Variants in FAAH2 observed in about 807,000 individuals in gnomAD.
FAAH2 encodes fatty-acid amide hydrolase 2.
A neutral mutation model predicts 36.9 loss-of-function variants in FAAH2; 60 were observed. That is an observed-to-expected ratio of 1.63 (90% CI 1.32 to 2.02). The LOEUF (loss-of-function observed/expected upper bound fraction) is 2.02, where lower values mean the gene tolerates loss of function less well. Among genes scored for constraint, FAAH2 ranks in the 30% most tolerant of loss-of-function variants. The pLI, the probability that FAAH2 is intolerant of heterozygous loss-of-function variation, is 0.00. For missense variants in FAAH2, 689 were observed against 397.5 expected, an observed-to-expected ratio of 1.73 and a Z score of -6.23; for synonymous variants, 214 against 143.8, an observed-to-expected ratio of 1.49 and a Z score of -3.49.
Position 57,380,914 on chromosome X carries a change from T to G in FAAH2, c.881T>G (p.Leu294Ter). The change falls in exon 7 of 11, where the codon TTA (leucine) becomes TGA (stop). Residue 294 changes from leucine (L) to a stop codon, truncating the protein, a stop_gained and splice_region_variant. Transcript: ENST00000374900. LOFTEE classifies it high-confidence loss of function. Reference protein sequence around the residue: ...KVMAGPGIKRLKLDTKVHLKD... With the variant: ...KVMAGPGIKR The stretch of plus-strand genomic sequence containing the variant: ...AGTTTCTTTTTAATCCTACACAGGT[T>G]AAAACTAGACACAAAGGTACATTTA... 1 of 1,161,044 alleles carries G rather than the reference T, an allele frequency of 8.6e-7. No homozygotes were observed. The highest frequency in any genetic ancestry group is 1.8e-5 in the African/African-American group (1 of 56,209).
rs372063121 is a variant in FAAH2 at position 57,462,507 on chromosome X, C to T, written c.1423+13789C>T. On this transcript the variant is annotated intron_variant, in intron 10 of 10. Coordinates refer to ENST00000374900, the MANE Select transcript of FAAH2 (RefSeq NM_174912.4). Reference sequence around the variant, plus strand: ...TGGGATGCAAGGCTTGTTCAACATACGCAAATCAATAAACATAACCCATCA... The same window carrying T: ...TGGGATGCAAGGCTTGTTCAACATATGCAAATCAATAAACATAACCCATCA... 1.3e-4 allele frequency among the ~76,000 whole-genome samples: 14 copies of T among 111,851 alleles called. No individual in the cohort carries two copies. In the South Asian group the frequency reaches 2.6e-3, roughly 21 times the overall value.
chrX:57,389,370 T>A (rs1376077753), intron 7 of FAAH2, among the ~76,000 whole-genome samples: 2 of 106,254 alleles, frequency 1.9e-5, no homozygotes, highest in Admixed American at 2.1e-4. Context: ...TATAGCTTTA[T>A]TTCATCCCCT....
chrX:57,286,067 C>A (rs757291302), upstream of FAAH2, among the ~76,000 whole-genome samples: 2 of 111,013 alleles, frequency 1.8e-5, no homozygotes, highest in African/African-American at 6.6e-5. Flanking sequence ...CCTGTAGGGG[C>A]AGCAGTCTGG....
the FAAH2 span, among the ~76,000 whole-genome samples, chrX:57,181,262 T>G: frequency 9.0e-6 from 1 of 111,408 alleles, no homozygotes; most frequent in Non-Finnish European, 1.9e-5. Context: ...GAGAAAGAAA[T>G]AAACAGCATC....
At chrX:57,255,262 T>G in the FAAH2 span, among the ~76,000 whole-genome samples, 3 of 111,658 alleles carry the variant, frequency 2.7e-5, no homozygotes, top group Admixed American at 9.5e-5. Flanking sequence ...AATAACAGGT[T>G]CTGGCATTGA....
intron 3 of FAAH2, among the ~76,000 whole-genome samples, chrX:57,325,707 G>A (rs1340281594): frequency 1.6e-4 from 12 of 75,797 alleles, no homozygotes; most frequent in African/African-American, 2.5e-4. Flanking sequence ...TTTTTATTGC[G>A]TCTAATTGAT....
chrX:57,204,560 G>A, the FAAH2 span, among the ~76,000 whole-genome samples: 2 of 111,881 alleles, frequency 1.8e-5, no homozygotes, highest in Non-Finnish European at 3.8e-5. Flanking sequence ...CAAATCAGCT[G>A]TTGATTTTGG....
Position 57,286,920 on chromosome X carries a change from G to T in FAAH2, c.95G>T (p.Gly32Val). 3 of 1,206,868 alleles carry T rather than the reference G, an allele frequency of 2.5e-6. No individual in the cohort carries two copies. Among genetic ancestry groups the T allele is most frequent in the Non-Finnish European group, 3.4e-6 (3 of 893,426 alleles). The change falls in exon 1 of 11, where the codon GGG becomes GTG. Residue 32 changes from glycine to valine, a missense_variant. Gly to Val is a moderately radical substitution (Grantham distance 109, BLOSUM62 -3). Coordinates refer to ENST00000374900, the MANE Select transcript of FAAH2 (RefSeq NM_174912.4). Reference sequence around the variant, plus strand: ...GTAGGCCGAGCAGCTTTAGTCTTAGGGGGTCCAAAGTTTGCCTCAAAGACC... The same window carrying T: ...GTAGGCCGAGCAGCTTTAGTCTTAGTGGGTCCAAAGTTTGCCTCAAAGACC... ...GLVGRAALVLGGPKFASKTPR... is the reference protein window; with the variant it reads ...GLVGRAALVLVGPKFASKTPR...
chrX:57,429,597 A>G (rs1478060130), intron 7 of FAAH2, among the ~76,000 whole-genome samples: 1 of 111,913 alleles, frequency 8.9e-6, no homozygotes, highest in Non-Finnish European at 1.9e-5. Context: ...ATTAATGAAT[A>G]TAACTTGTAA....
intron 10 of FAAH2, among the ~76,000 whole-genome samples, chrX:57,455,526 C>A (rs1482641608): frequency 9.0e-6 from 1 of 110,751 alleles, no homozygotes. Flanking sequence ...AAGATAAAAC[C>A]CAACAATCTA....
chrX:57,193,388 A>T, the FAAH2 span, among the ~76,000 whole-genome samples: 1 of 111,395 alleles, frequency 9.0e-6, no homozygotes, highest in Non-Finnish European at 1.9e-5. Context: ...GGTGCCTGAA[A>T]CTTCATTAGC....
intron 10 of FAAH2, among the ~76,000 whole-genome samples, chrX:57,471,025 G>A (rs1341967794): frequency 9.0e-6 from 1 of 111,374 alleles, no homozygotes; most frequent in Non-Finnish European, 1.9e-5. Context: ...TGCAGAAAAG[G>A]GCTTCAACAA....
rs1211928230 is a variant in FAAH2, at chrX:57,297,476, C to A, written c.275+4896C>A. ...AAGCACTAAACATGGAAAGGAACAA[C>A]CGATACCAGCCACTGCAAAAACCTG... On this transcript the variant is annotated intron_variant, in intron 2 of 10. Coordinates refer to ENST00000374900, the MANE Select transcript of FAAH2 (RefSeq NM_174912.4). 2.9e-5 allele frequency among the ~76,000 whole-genome samples: 3 copies of A among 105,248 alleles called. No individual in the cohort carries two copies. In the East Asian group the frequency reaches 9.1e-4, roughly 32 times the overall value. The allele number at this position is 105,248 out of a possible 115,157, so 91.4% of individuals were successfully genotyped here. A position where few individuals can be genotyped will look rare whatever the true frequency, so the allele number is the denominator to read the frequency against.
At chrX:57,295,900 G>A (rs2052134809) in intron 2 of FAAH2, among the ~76,000 whole-genome samples, 1 of 112,504 alleles carries the variant, frequency 8.9e-6, no homozygotes, top group African/African-American at 3.2e-5. Context: ...GCAGCAGCGA[G>A]GCTGGGGGAG....
chrX:57,468,311 CAAGTTCGAACCCAATGCAAAG>C (rs1431099607), intron 10 of FAAH2, among the ~76,000 whole-genome samples: 3 of 111,465 alleles, frequency 2.7e-5, no homozygotes, highest in African/African-American at 9.8e-5. Flanking sequence ...GCTAAAGGAG[CAAGTTCGAACCCAATGCAAAG>C]AAGTTAAAAA....
At chrX:57,280,218 G>T in the FAAH2 span, among the ~76,000 whole-genome samples, 1 of 109,507 alleles carries the variant, frequency 9.1e-6, no homozygotes, top group Non-Finnish European at 1.9e-5. Context: ...AATCTAAGCA[G>T]ATCTTTTTTT....
chrX:57,387,472 A>G (rs1456306283), intron 7 of FAAH2, among the ~76,000 whole-genome samples: 1 of 111,453 alleles, frequency 9.0e-6, no homozygotes, highest in Non-Finnish European at 1.9e-5. Flanking sequence ...TAAAAAGTAG[A>G]ATGAGGAAAA....
At chrX:57,432,428 C>CA in intron 8 of FAAH2, among the ~76,000 whole-genome samples, 1 of 111,665 alleles carries the variant, frequency 9.0e-6, no homozygotes, top group African/African-American at 3.2e-5. Context: ...GTACTCAGAA[C>CA]ATGTAGGTTT....
chrX:57,229,868 T>G, the FAAH2 span, among the ~76,000 whole-genome samples: 1 of 111,718 alleles, frequency 9.0e-6, no homozygotes. Flanking sequence ...CCCATTACAC[T>G]TTATTCTTGC....
Sources: gnomAD v4.1 joint callset for allele counts (sites outside exome capture counted in the v4.1 genomes callset) on GRCh38, gnomAD v4.1.1 for gene constraint, MANE v1.5 for transcripts, NCBI Gene and HGNC (gene_info 2026-07-23, HGNC 2026-07-21) for gene names.